The following EDN1 variants were observed in gnomAD, a reference collection of about 807,000 sequenced individuals.
EDN1 encodes the protein endothelin-1.
Under a neutral mutation model 21.7 loss-of-function variants are expected in EDN1, and 11 were observed. The ratio of observed to expected loss-of-function variants is 0.51; its 90% CI spans 0.32 to 0.84. The LOEUF (loss-of-function observed/expected upper bound fraction) is 0.84. Ranked by LOEUF, EDN1 falls within the 40% of genes least tolerant of loss-of-function variation. The probability of loss-of-function intolerance (pLI) is 0.03; values close to 1 mark genes in which losing one functional copy is unlikely to be tolerated. For missense variants in EDN1, 244 were observed against 262.3 expected, an observed-to-expected ratio of 0.93 and a Z score of 0.48; for synonymous variants, 85 against 90.6, an observed-to-expected ratio of 0.94 and a Z score of 0.35.
the EDN1 span, among the ~76,000 whole-genome samples, chr6:12,239,539 C>T: frequency 6.6e-6 from 1 of 152,142 alleles, no homozygotes; most frequent in Non-Finnish European, 1.5e-5. Context: ...CTCATCCCTA[C>T]CTGCAATAAC....
the EDN1 span, among the ~76,000 whole-genome samples, chr6:12,230,682 C>A: frequency 6.6e-6 from 1 of 152,090 alleles, no homozygotes; most frequent in Non-Finnish European, 1.5e-5. Context: ...CAGGTAGGAA[C>A]GTGTGGGTTG....
At chr6:12,239,728 G>C in the EDN1 span, among the ~76,000 whole-genome samples, 1 of 151,970 alleles carries the variant, frequency 6.6e-6, no homozygotes, top group South Asian at 2.1e-4. Context: ...GGGCAACATA[G>C]GGAGACCTGG....
At position 12,295,953 on chromosome 6, in the gene EDN1, C is replaced by T. The variant is rs757627733; in HGVS notation, c.534-9C>T. Reference sequence around the variant, plus strand: ...ATAACATTTGTTTTCTCTTATCTTGCTTTATTAGGTCGGAGACCATGAGAA... The same window carrying T: ...ATAACATTTGTTTTCTCTTATCTTGTTTTATTAGGTCGGAGACCATGAGAA... On this transcript the variant is annotated splice_polypyrimidine_tract_variant and intron_variant, in intron 4 of 4. Coordinates refer to ENST00000379375, the MANE Select transcript of EDN1 (RefSeq NM_001955.5). 1.2e-6 allele frequency: 2 copies of T among 1,612,836 alleles called. No individual in the cohort carries two copies. The highest frequency in any genetic ancestry group is 2.2e-5 in the South Asian group (2 of 91,030).
the EDN1 span, among the ~76,000 whole-genome samples, chr6:12,231,057 C>A: frequency 6.6e-6 from 1 of 152,104 alleles, no homozygotes; most frequent in Non-Finnish European, 1.5e-5. Context: ...AATATACAAG[C>A]CTTGTTACTA....
chr6:12,294,542 T>G, intron 4 of EDN1, 138 bp downstream of exon 4: 10 of 936,502 alleles, frequency 1.1e-5, no homozygotes, highest in Non-Finnish European at 1.5e-5. Context: ...AGAGGAGATC[T>G]ATGCATCCTA....
the EDN1 span, among the ~76,000 whole-genome samples, chr6:12,268,304 G>T: frequency 2.6e-5 from 4 of 152,106 alleles, no homozygotes; most frequent in East Asian, 7.7e-4. Context: ...TTCTGGAAAG[G>T]ATTAACCATT....
At chr6:12,276,942 T>C in the EDN1 span, among the ~76,000 whole-genome samples, 1 of 152,222 alleles carries the variant, frequency 6.6e-6, no homozygotes, top group Admixed American at 6.5e-5. Context: ...CATATGATTA[T>C]TTTTGTTTGC....
the EDN1 span, among the ~76,000 whole-genome samples, chr6:12,251,189 C>T: frequency 6.6e-5 from 10 of 152,234 alleles, no homozygotes; most frequent in African/African-American, 2.2e-4. Flanking sequence ...ATAACTTAAG[C>T]CATACCCCAA....
chr6:12,263,816 A>G, the EDN1 span, among the ~76,000 whole-genome samples: 1 of 152,190 alleles, frequency 6.6e-6, no homozygotes, highest in Non-Finnish European at 1.5e-5. Flanking sequence ...TCCTTGTTAA[A>G]AAAAAGAAAG....
chr6:12,269,355 C>T, the EDN1 span, among the ~76,000 whole-genome samples: 3 of 151,976 alleles, frequency 2.0e-5, no homozygotes, highest in African/African-American at 7.2e-5. Flanking sequence ...CCAGGACTTC[C>T]ATTACTGTTT....
the EDN1 span, among the ~76,000 whole-genome samples, chr6:12,246,320 T>G: frequency 1.3e-5 from 2 of 152,140 alleles, no homozygotes; most frequent in Non-Finnish European, 2.9e-5. Context: ...CAAGACCACA[T>G]GCAGCTCAGA....
At chr6:12,292,944 T>C (rs1762723264) in intron 2 of EDN1, among the ~76,000 whole-genome samples, 1 of 152,196 alleles carries the variant, frequency 6.6e-6, no homozygotes, top group Non-Finnish European at 1.5e-5. Context: ...TTAATTTTAC[T>C]TACAGAAAAA....
chr6:12,276,963 C>T, the EDN1 span, among the ~76,000 whole-genome samples: 1 of 152,090 alleles, frequency 6.6e-6, no homozygotes, highest in Admixed American at 6.6e-5. Flanking sequence ...TTTTTTTGGA[C>T]ATTTGCTTCT....
the EDN1 span, among the ~76,000 whole-genome samples, chr6:12,245,294 T>G: frequency 3.3e-5 from 5 of 152,212 alleles, no homozygotes; most frequent in Admixed American, 6.5e-5. Flanking sequence ...ATGACTAGAT[T>G]CACCCACCAT....
chr6:12,283,403 C>T, the EDN1 span, among the ~76,000 whole-genome samples: 1 of 152,014 alleles, frequency 6.6e-6, no homozygotes. Flanking sequence ...TTTTCTAAAA[C>T]GCTGTAGGGA....
chr6:12,257,880 C>T, the EDN1 span, among the ~76,000 whole-genome samples: 3,282 of 152,218 alleles, frequency 0.022, 50 homozygotes, highest in Non-Finnish European at 0.035. Flanking sequence ...TAGTCCCAGT[C>T]GTCCCAGTCT....
At chr6:12,274,986 C>CCTTCCTTCCTTGCTCCTTCCT in the EDN1 span, among the ~76,000 whole-genome samples, 1 of 135,702 alleles carries the variant, frequency 7.4e-6, no homozygotes, top group Non-Finnish European at 1.7e-5. Context: ...CCTTCCTTCC[C>CCTTCCTTCCTTGCTCCTTCCT]TCCCTCCCTC....
chr6:12,258,937 G>T, the EDN1 span, among the ~76,000 whole-genome samples: 3 of 152,058 alleles, frequency 2.0e-5, no homozygotes, highest in Non-Finnish European at 1.5e-5. Context: ...CCTGTCCTCA[G>T]CCATAACATC....
upstream of EDN1, among the ~76,000 whole-genome samples, chr6:12,285,464 C>T (rs150582604): frequency 3.2e-4 from 49 of 152,226 alleles, no homozygotes; most frequent in African/African-American, 1.1e-3. Context: ...GGGCTTAATT[C>T]TTAAACAAGA....
Sources: allele counts gnomAD v4.1 joint callset (sites outside exome capture counted in the v4.1 genomes callset), GRCh38; gene constraint gnomAD v4.1.1; transcripts MANE v1.5; gene names NCBI Gene and HGNC (gene_info 2026-07-23, HGNC 2026-07-21).